The following ATP8A2 variants were observed in gnomAD, a reference collection of about 807,000 sequenced individuals.
ATP8A2 encodes the protein ATPase phospholipid transporting 8A2.
Under a neutral mutation model 165.6 loss-of-function variants are expected in ATP8A2, and 100 were observed. The observed-to-expected ratio is 0.60, with a 90% confidence interval of 0.51 to 0.71. The LOEUF (loss-of-function observed/expected upper bound fraction) is 0.71, where lower values mean the gene tolerates loss of function less well. ATP8A2 is among the 30% of genes least tolerant of loss of function. The probability of loss-of-function intolerance (pLI) is 0.00; values close to 1 mark genes in which losing one functional copy is unlikely to be tolerated. For synonymous variants in ATP8A2, 543 were observed against 548.8 expected (o/e 0.99, Z 0.15); for missense variants, 1,227 against 1,479.5 (o/e 0.83, Z 2.80).
chr13:25,970,082 A>G (rs1566313634), intron 35 of ATP8A2, among the ~76,000 whole-genome samples: 1 of 152,250 alleles, frequency 6.6e-6, no homozygotes, highest in African/African-American at 2.4e-5. Context: ...TATAAAATGC[A>G]TATCACTCTT....
chr13:25,386,491 A>G (rs2033049358), intron 1 of ATP8A2, among the ~76,000 whole-genome samples: 1 of 152,214 alleles, frequency 6.6e-6, no homozygotes, highest in South Asian at 2.1e-4. Context: ...GAAGATTAAT[A>G]GTGATGAATG....
In ATP8A2 at chr13:25,579,957, C is replaced by A. The variant is rs748224970; in HGVS notation, c.2007+10C>A. The A allele has an allele frequency of 6.2e-7, 1 of 1,613,764 alleles. No homozygotes were observed. Among genetic ancestry groups the A allele is most frequent in the South Asian group, 1.1e-5 (1 of 91,082 alleles). ...CGAGATCATTGAGAAGGTAACCGCA[C>A]ACAATACAGTCTTTTCAGCTCCATG... is the stretch of plus-strand genomic sequence containing the variant. On this transcript the variant is annotated intron_variant, in intron 22 of 36. Coordinates refer to ENST00000381655, the MANE Select transcript of ATP8A2 (RefSeq NM_016529.6).
chr13:26,012,109 T>A (rs1956860853), intron 35 of ATP8A2, among the ~76,000 whole-genome samples: 1 of 152,184 alleles, frequency 6.6e-6, no homozygotes, highest in Non-Finnish European at 1.5e-5. Context: ...AATCAAGTTC[T>A]GCAGAACGAA....
At chr13:25,589,533 G>A (rs2040011741) in intron 23 of ATP8A2, 102 bp from the exon 24 acceptor site, 1 of 803,756 alleles carries the variant, frequency 1.2e-6, no homozygotes, top group Non-Finnish European at 2.1e-6. Flanking sequence ...TCCTCTGTGT[G>A]AGCCAATAGG....
chr13:25,568,942 TA>T (rs904919760), intron 16 of ATP8A2, among the ~76,000 whole-genome samples: 1 of 152,180 alleles, frequency 6.6e-6, no homozygotes, highest in Admixed American at 6.5e-5. Flanking sequence ...TTTTAGGATT[TA>T]AAAAAAATCT....
intron 27 of ATP8A2, among the ~76,000 whole-genome samples, chr13:25,802,882 A>T (rs1168463978): frequency 1.3e-5 from 2 of 152,160 alleles, no homozygotes; most frequent in South Asian, 2.1e-4. Flanking sequence ...AAAATGATGA[A>T]ATATGCGCAC....
intron 24 of ATP8A2, among the ~76,000 whole-genome samples, chr13:25,636,946 C>T (rs1333175094): frequency 6.6e-6 from 1 of 151,688 alleles, no homozygotes; most frequent in Non-Finnish European, 1.5e-5. Context: ...TAAATGTAGC[C>T]AGACACAGTG....
At chr13:25,649,642 C>A (rs2041764206) in intron 24 of ATP8A2, among the ~76,000 whole-genome samples, 1 of 152,048 alleles carries the variant, frequency 6.6e-6, no homozygotes, top group Admixed American at 6.5e-5. Context: ...TTGGGGTAAG[C>A]TTTGAGGTCA....
intron 17 of ATP8A2, 122 bp downstream of exon 17, chr13:25,570,994 C>T (rs540854488): frequency 7.4e-4 from 501 of 677,470 alleles, no homozygotes; most frequent in Non-Finnish European, 1.1e-3. Flanking sequence ...CTGTTGGCCT[C>T]ACCCTGTGGC....
intron 24 of ATP8A2, among the ~76,000 whole-genome samples, chr13:25,622,636 T>C (rs1001264044): frequency 1.8e-4 from 28 of 152,122 alleles, no homozygotes; most frequent in African/African-American, 5.3e-4. Flanking sequence ...AATAGAAAAT[T>C]CCATATCTGA....
chr13:25,623,107 C>G, intron 24 of ATP8A2, among the ~76,000 whole-genome samples: 2 of 152,288 alleles, frequency 1.3e-5, no homozygotes, highest in African/African-American at 4.8e-5. Flanking sequence ...GGACTGGCCA[C>G]GCACAGTAGC....
intron 34 of ATP8A2, among the ~76,000 whole-genome samples, chr13:25,964,742 TG>T (rs1955740028): frequency 6.6e-6 from 1 of 152,230 alleles, no homozygotes; most frequent in South Asian, 2.1e-4. Context: ...TACCCTGTGA[TG>T]GCAGCATGTG....
Position 25,882,416 on chromosome 13 carries a change from C to G in ATP8A2, c.3183+20008C>G, listed in dbSNP as rs3783123. On this transcript the variant is annotated intron_variant, in intron 33 of 36. Coordinates refer to ENST00000381655, the MANE Select transcript of ATP8A2 (RefSeq NM_016529.6). The stretch of plus-strand genomic sequence containing the variant: ...TGAGTAGGACAGCGCCATGGTCAGA[C>G]GCAGCCTGTCAGTGTTTCCAAGTAA... Among the ~76,000 whole-genome samples the G allele has an allele frequency of 8.3e-4, 127 of 152,298 alleles. 4 individuals carry two copies. In the East Asian group the frequency reaches 0.017, roughly 20 times the overall value.
chr13:25,893,859 G>T lies in ATP8A2; in HGVS notation c.3183+31451G>T, dbSNP rs368880040. On this transcript the variant is annotated intron_variant, in intron 33 of 36. Coordinates refer to ENST00000381655, the MANE Select transcript of ATP8A2 (RefSeq NM_016529.6). ...CTGCATAAATGTCTTCTTTTGAGAA[G>T]TGTCTGTTCATATCCTTTGCCCACT... 2.2e-3 allele frequency among the ~76,000 whole-genome samples: 335 copies of T among 152,194 alleles called. 2 individuals carry two copies. The highest frequency in any genetic ancestry group is 7.7e-3 in the African/African-American group (321 of 41,514).
At chr13:25,861,326 A>T (rs1258531204) in intron 32 of ATP8A2, among the ~76,000 whole-genome samples, 2 of 152,186 alleles carry the variant, frequency 1.3e-5, no homozygotes, top group African/African-American at 4.8e-5. Context: ...TAATTTAAAT[A>T]TATATTAGGC....
chr13:25,914,750 C>T lies in ATP8A2; in HGVS notation c.3184-46825C>T, dbSNP rs1234195069. On this transcript the variant is annotated intron_variant, in intron 33 of 36. Transcript: ENST00000381655. ...GGGTCACAGCTACCTACAGAGCAAA[C>T]CCCAGTCTCCTTAGAGGGGCTTCGC... is the stretch of plus-strand genomic sequence containing the variant. Among the ~76,000 whole-genome samples the T allele has an allele frequency of 2.0e-5, 3 of 152,220 alleles. No homozygotes were observed. The East Asian group carries it at 5.8e-4, about 29-fold the overall frequency.
chr13:25,956,296 A>C (rs573767851), intron 33 of ATP8A2, among the ~76,000 whole-genome samples: 1 of 152,350 alleles, frequency 6.6e-6, no homozygotes, highest in South Asian at 2.1e-4. Context: ...AAAGAAATAA[A>C]GGGTATTCAA....
chr13:25,774,806 T>TC, intron 26 of ATP8A2, 43 bp from the exon 27 acceptor site: 1 of 1,163,526 alleles, frequency 8.6e-7, no homozygotes, highest in Non-Finnish European at 1.3e-6. Context: ...CTTTTATTCC[T>TC]CAATGATGGG....
At chr13:25,598,199 C>T (rs2040288562) in intron 24 of ATP8A2, among the ~76,000 whole-genome samples, 1 of 152,176 alleles carries the variant, frequency 6.6e-6, no homozygotes, top group Admixed American at 6.5e-5. Context: ...TCTTCCTCGA[C>T]CCTCTAATTT....
Sources: allele counts gnomAD v4.1 joint callset (sites outside exome capture counted in the v4.1 genomes callset), GRCh38; gene constraint gnomAD v4.1.1; transcripts MANE v1.5; gene names NCBI Gene and HGNC (gene_info 2026-07-23, HGNC 2026-07-21).